Variants in KLF12 observed in about 807,000 individuals in gnomAD.
KLF12 encodes Krueppel-like factor 12.
In KLF12, 9 loss-of-function variants were observed where a neutral mutation model predicts 37.8. The observed-to-expected ratio is 0.24, with a 90% CI of 0.14 to 0.42. The LOEUF is 0.42. KLF12 is among the 10% of genes least tolerant of loss of function. KLF12 has a pLI of 1.00. For synonymous variants in KLF12, 208 were observed against 202.1 expected, an observed-to-expected ratio of 1.03 and a Z score of -0.25; for missense variants, 411 against 516.0, an observed-to-expected ratio of 0.80 and a Z score of 1.97.
chr13:74,076,403 G>C (rs916956665), intron 1 of KLF12, among the ~76,000 whole-genome samples: 1 of 152,162 alleles, frequency 6.6e-6, no homozygotes, highest in Non-Finnish European at 1.5e-5. Context: ...TTGTCAGACA[G>C]GTGAGGGGTG....
chr13:73,995,185 T>C (rs1315717653), intron 1 of KLF12, 132 bp from the exon 2 acceptor site: 1 of 616,508 alleles, frequency 1.6e-6, no homozygotes, highest in Non-Finnish European at 2.8e-6. Context: ...AGGAATATCT[T>C]TTCTTCAGCT....
chr13:73,875,278 G>A (rs1886651872), intron 3 of KLF12, among the ~76,000 whole-genome samples: 1 of 151,990 alleles, frequency 6.6e-6, no homozygotes, highest in Non-Finnish European at 1.5e-5. Flanking sequence ...TCTCTTTTAA[G>A]GTTACAAAGA....
At chr13:73,916,246 C>T (rs866567348) in intron 3 of KLF12, among the ~76,000 whole-genome samples, 749 of 33,058 alleles carry the variant, frequency 0.023, 7 homozygotes, top group African/African-American at 0.059. Flanking sequence ...CACACGCACA[C>T]GCACACACAC....
intron 1 of KLF12, among the ~76,000 whole-genome samples, chr13:74,128,989 T>A (rs935952577): frequency 6.6e-6 from 1 of 152,144 alleles, no homozygotes; most frequent in African/African-American, 2.4e-5. Flanking sequence ...AAATACTAAA[T>A]ATACACATAC....
At chr13:74,028,236 T>C (rs1443103905) in intron 1 of KLF12, among the ~76,000 whole-genome samples, 1 of 152,148 alleles carries the variant, frequency 6.6e-6, no homozygotes, top group Non-Finnish European at 1.5e-5. Context: ...AAAAAGTGCA[T>C]GGAAACACGA....
the KLF12 span, among the ~76,000 whole-genome samples, chr13:74,246,130 A>G: frequency 0.017 from 2,538 of 152,242 alleles, 83 homozygotes; most frequent in African/African-American, 0.058. Context: ...CTAGAACTCT[A>G]GTTATATATA....
intron 1 of KLF12, among the ~76,000 whole-genome samples, chr13:74,089,032 T>G (rs527835656): frequency 6.6e-6 from 1 of 152,320 alleles, no homozygotes; most frequent in African/African-American, 2.4e-5. Context: ...TCTGTGACAA[T>G]TATTTCTAGA....
chr13:74,119,736 T>C (rs1339385363), intron 1 of KLF12, among the ~76,000 whole-genome samples: 1 of 151,846 alleles, frequency 6.6e-6, no homozygotes, highest in Non-Finnish European at 1.5e-5. Context: ...AATGCGCTTG[T>C]CAACATAGTC....
the KLF12 span, among the ~76,000 whole-genome samples, chr13:74,191,728 C>A: frequency 1.2e-4 from 19 of 152,224 alleles, no homozygotes; most frequent in Non-Finnish European, 2.9e-5. Flanking sequence ...TTCCTTAGCA[C>A]CCTTGAAAAC....
chr13:73,908,928 T>A (rs1246031796), intron 3 of KLF12, among the ~76,000 whole-genome samples: 1 of 152,136 alleles, frequency 6.6e-6, no homozygotes, highest in Non-Finnish European at 1.5e-5. Context: ...AGAAGCACAA[T>A]AAAATATTTG....
rs1441734404 is a variant in KLF12 at position 73,693,234 on chromosome 13, C to T, written c.*2256G>A. Reference sequence around the variant, plus strand: ...TTCTCTGTCACTGACTAGTAACCAGCACTGGCATGCATCAACAGACCTTTT... The same window carrying T: ...TTCTCTGTCACTGACTAGTAACCAGTACTGGCATGCATCAACAGACCTTTT... On this transcript the variant is annotated 3_prime_UTR_variant, in exon 8 of 8. Coordinates refer to ENST00000377669, the MANE Select transcript of KLF12 (RefSeq NM_007249.5). 2 of 152,152 alleles carry T rather than the reference C, an allele frequency of 1.3e-5. No individual in the cohort carries two copies. The highest frequency in any genetic ancestry group is 4.8e-5 in the African/African-American group (2 of 41,422). 9.4% of individuals were successfully genotyped at this position (152,152 alleles called of 1,614,324 possible).
intron 3 of KLF12, among the ~76,000 whole-genome samples, chr13:73,920,000 T>C (rs1314836852): frequency 6.6e-6 from 1 of 152,166 alleles, no homozygotes; most frequent in Non-Finnish European, 1.5e-5. Context: ...CTGAGAGAAT[T>C]TGCTGTCGGG....
chr13:73,848,012 G>T (rs1048382612), intron 3 of KLF12, among the ~76,000 whole-genome samples: 6 of 152,054 alleles, frequency 3.9e-5, no homozygotes, highest in Admixed American at 2.6e-4. Context: ...TTTCATAAAA[G>T]ACATCAACTA....
At chr13:74,026,515 C>G (rs1892979473) in intron 1 of KLF12, among the ~76,000 whole-genome samples, 1 of 152,074 alleles carries the variant, frequency 6.6e-6, no homozygotes, top group Admixed American at 6.5e-5. Flanking sequence ...AAGGAAGGAA[C>G]AGTTTTCATC....
At chr13:73,789,404 A>G (rs557678348) in intron 5 of KLF12, among the ~76,000 whole-genome samples, 1 of 152,198 alleles carries the variant, frequency 6.6e-6, no homozygotes, top group African/African-American at 2.4e-5. Context: ...GTCAGAGAGA[A>G]ATAAGCACCA....
At chr13:73,905,087 A>C (rs1183123018) in intron 3 of KLF12, among the ~76,000 whole-genome samples, 1 of 152,192 alleles carries the variant, frequency 6.6e-6, no homozygotes, top group East Asian at 1.9e-4. Context: ...ATTACACAAG[A>C]GTTCAAAGCC....
the KLF12 span, among the ~76,000 whole-genome samples, chr13:74,180,673 A>T: frequency 6.6e-6 from 1 of 152,284 alleles, no homozygotes; most frequent in South Asian, 2.1e-4. Flanking sequence ...TTAGGTTTTG[A>T]CTCACTTATT....
chr13:73,780,471 G>GT (rs58306980), intron 5 of KLF12, among the ~76,000 whole-genome samples: 19,867 of 145,330 alleles, frequency 0.14, 1,648 homozygotes, highest in Non-Finnish European at 0.2. Context: ...CCAAGGAATG[G>GT]TTTTTTTTTT....
chr13:74,278,466 T>C, the KLF12 span, among the ~76,000 whole-genome samples: 2 of 152,230 alleles, frequency 1.3e-5, no homozygotes, highest in African/African-American at 4.8e-5. Context: ...TCTCTTTCCT[T>C]CTTCCACAAG....
Sources: gnomAD v4.1 joint callset for allele counts (sites outside exome capture counted in the v4.1 genomes callset) on GRCh38, gnomAD v4.1.1 for gene constraint, MANE v1.5 for transcripts, NCBI Gene and HGNC (gene_info 2026-07-23, HGNC 2026-07-21) for gene names.